BMERB1: variants seen among roughly 807,000 people sequenced by gnomAD.
BMERB1 encodes the protein bMERB domain containing 1.
Under a neutral mutation model 23.6 loss-of-function variants are expected in BMERB1, and 12 were observed. The observed-to-expected ratio is 0.51, with a 90% CI of 0.33 to 0.82. The LOEUF is 0.82. Ranked by LOEUF, BMERB1 falls within the 40% of genes least tolerant of loss-of-function variation. BMERB1 has a pLI of 0.03. For missense variants in BMERB1, 247 were observed against 255.4 expected, an observed-to-expected ratio of 0.97 and a Z score of 0.22; for synonymous variants, 122 against 96.6, an observed-to-expected ratio of 1.26 and a Z score of -1.54.
chr16:15,540,757 G>C (rs1219031423), intron 2 of BMERB1, among the ~76,000 whole-genome samples: 1 of 152,226 alleles, frequency 6.6e-6, no homozygotes, highest in East Asian at 1.9e-4. Context: ...GCCAGGGTCT[G>C]TGTCCCAGCG....
At chr16:15,485,419 AC>A (rs2051360053) in intron 1 of BMERB1, among the ~76,000 whole-genome samples, 1 of 152,212 alleles carries the variant, frequency 6.6e-6, no homozygotes, top group Non-Finnish European at 1.5e-5. Context: ...TGGGTTTATC[AC>A]CACTCATTCA....
chr16:15,469,967 C>T (rs1003149266), intron 1 of BMERB1, among the ~76,000 whole-genome samples: 1 of 152,002 alleles, frequency 6.6e-6, no homozygotes, highest in African/African-American at 2.4e-5. Flanking sequence ...ATTTGTATGC[C>T]TTTTATTTCT....
At chr16:15,501,393 A>G (rs1207728502) in intron 1 of BMERB1, among the ~76,000 whole-genome samples, 2 of 149,642 alleles carry the variant, frequency 1.3e-5, no homozygotes, top group African/African-American at 4.9e-5. Context: ...CCCAGGTTCA[A>G]GCGATTCTCC....
At chr16:15,498,225 T>C (rs1567469824) in intron 1 of BMERB1, among the ~76,000 whole-genome samples, 1 of 151,952 alleles carries the variant, frequency 6.6e-6, no homozygotes, top group Non-Finnish European at 1.5e-5. Context: ...ACCTGTGCCC[T>C]GGGAGCACAA....
rs2051734665 is a variant in BMERB1, at chr16:15,515,318, C to T, written c.120C>T (p.Ile40=). ...TERLGRNQLD[I]ISMAETTMMP... ...TCTCCTGCACAGATCAGCTGGACAT[C>T]ATCTCCATGGCGGAGACAACCATGA... Residue 40 remains isoleucine (I), a synonymous_variant, in exon 2 of 6, where the codon ATC becomes ATT. Coordinates refer to ENST00000300006, the MANE Select transcript of BMERB1 (RefSeq NM_033201.3). 1.9e-6 allele frequency: 3 copies of T among 1,613,592 alleles called. No homozygotes were observed. Among genetic ancestry groups the T allele is most frequent in the East Asian group, 2.2e-5 (1 of 44,870 alleles).
Position 15,587,429 on chromosome 16 carries a change from C to G in BMERB1, c.*600C>G. Reference sequence around the variant, plus strand: ...CTTGTGTGTGGTGTCGTGGTCACATCTCCCGCTTCCCCCCATCCTGTGTCT... The same window carrying G: ...CTTGTGTGTGGTGTCGTGGTCACATGTCCCGCTTCCCCCCATCCTGTGTCT... On this transcript the variant is annotated 3_prime_UTR_variant, in exon 6 of 6. Coordinates refer to ENST00000300006, the MANE Select transcript of BMERB1 (RefSeq NM_033201.3). The G allele has an allele frequency of 3.2e-6, 1 of 310,972 alleles. No individual in the cohort carries two copies. The highest frequency in any genetic ancestry group is 6.8e-6 in the Non-Finnish European group (1 of 147,454). 19.3% of individuals were successfully genotyped at this position (310,972 alleles called of 1,614,324 possible).
Position 15,434,734 on chromosome 16 carries a change from T to C in BMERB1, c.81T>C (p.Ala27=). The change falls in exon 1 of 6, where the codon GCT becomes GCC. Residue 27 remains alanine, a synonymous_variant. Coordinates refer to ENST00000300006, the MANE Select transcript of BMERB1 (RefSeq NM_033201.3). ...GCTATGGGGCGGTGGAGGAGACGGCTTGGAAAACGGAGAGACTGGGGAGAA... is the reference window on the plus strand; with the variant it reads ...GCTATGGGGCGGTGGAGGAGACGGCCTGGAAAACGGAGAGACTGGGGAGAA... The part of the protein sequence containing the change: ...LRRYGAVEET[A]WKTERLGRNQ... 2.6e-6 allele frequency: 4 copies of C among 1,514,430 alleles called. No individual in the cohort carries two copies. Among genetic ancestry groups the C allele is most frequent in the Non-Finnish European group, 3.6e-6 (4 of 1,119,586 alleles). 93.8% of individuals were successfully genotyped at this position (1,514,430 alleles called of 1,614,324 possible). A position where few individuals can be genotyped will look rare whatever the true frequency, so the allele number is the denominator to read the frequency against.
intron 1 of BMERB1, among the ~76,000 whole-genome samples, chr16:15,451,159 G>A (rs142143183): frequency 4.3e-4 from 65 of 152,232 alleles, no homozygotes; most frequent in African/African-American, 1.4e-3. Context: ...TCTTATTTCC[G>A]TGCAACCTTT....
intron 1 of BMERB1, among the ~76,000 whole-genome samples, chr16:15,504,274 T>C (rs978719605): frequency 7.9e-5 from 12 of 152,138 alleles, no homozygotes; most frequent in Non-Finnish European, 1.3e-4. Context: ...CTCTTCTTAA[T>C]TTTAAATCTA....
intron 1 of BMERB1, among the ~76,000 whole-genome samples, chr16:15,450,139 C>T (rs1034456656): frequency 6.6e-6 from 1 of 152,072 alleles, no homozygotes; most frequent in East Asian, 1.9e-4. Context: ...GCTCTACCAC[C>T]GTACTCCAAA....
chr16:15,513,026 G>A (rs1254878465), intron 1 of BMERB1, among the ~76,000 whole-genome samples: 3 of 152,194 alleles, frequency 2.0e-5, no homozygotes, highest in African/African-American at 4.8e-5. Flanking sequence ...TCTTGGGGGC[G>A]GGTGTGGAAG....
At chr16:15,583,318 C>G in intron 5 of BMERB1, 80 bp downstream of exon 5, 2 of 1,178,474 alleles carry the variant, frequency 1.7e-6, no homozygotes, top group African/African-American at 3.0e-5. Context: ...TGGATCACGC[C>G]TGTAATCCCA....
At chr16:15,434,940 A>AG (rs912383227) in intron 1 of BMERB1, among the ~76,000 whole-genome samples, 181 bp downstream of exon 1, 12 of 152,258 alleles carry the variant, frequency 7.9e-5, no homozygotes, top group Non-Finnish European at 1.5e-4. Flanking sequence ...CGCGAACAAA[A>AG]GGGGGGGACC....
At chr16:15,543,875 AAG>A (rs2052108653) in intron 2 of BMERB1, among the ~76,000 whole-genome samples, 2 of 152,188 alleles carry the variant, frequency 1.3e-5, no homozygotes, top group Non-Finnish European at 2.9e-5. Flanking sequence ...GAAGCCACAA[AAG>A]AGTCTTTTGT....
chr16:15,466,415 C>T (rs1567457175), intron 1 of BMERB1, among the ~76,000 whole-genome samples: 1 of 150,504 alleles, frequency 6.6e-6, no homozygotes. Context: ...CCCTTTTGCC[C>T]TTTTTTTTTC....
intron 1 of BMERB1, 65 bp downstream of exon 1, chr16:15,434,824 G>T (rs1182222409): frequency 1.4e-6 from 2 of 1,399,170 alleles, no homozygotes; most frequent in Admixed American, 2.6e-5. Flanking sequence ...TGCGCGGGTG[G>T]TCGCGGGAGC....
At chr16:15,584,284 G>T in intron 5 of BMERB1, 1 of 450,564 alleles carries the variant, frequency 2.2e-6, no homozygotes, top group Non-Finnish European at 4.0e-6. Context: ...GCCTGGCTGG[G>T]CGCGGTGGCT....
intron 3 of BMERB1, among the ~76,000 whole-genome samples, chr16:15,575,047 C>A (rs2030823263): frequency 6.6e-6 from 1 of 152,020 alleles, no homozygotes; most frequent in Admixed American, 6.5e-5. Context: ...CCACTGCACT[C>A]CAGCCTGGGC....
At chr16:15,440,362 G>A (rs1028777607) in intron 1 of BMERB1, among the ~76,000 whole-genome samples, 8 of 151,906 alleles carry the variant, frequency 5.3e-5, no homozygotes, top group African/African-American at 1.7e-4. Flanking sequence ...CCATAAGCCC[G>A]GGGGAGATGA....
Sources: gnomAD v4.1 joint callset for allele counts (sites outside exome capture counted in the v4.1 genomes callset) on GRCh38, gnomAD v4.1.1 for gene constraint, MANE v1.5 for transcripts, NCBI Gene and HGNC (gene_info 2026-07-23, HGNC 2026-07-21) for gene names.